SPSB3: variants seen among roughly 807,000 people sequenced by gnomAD.
SPSB3 encodes the protein splA/ryanodine receptor domain and SOCS box containing 3, also known as SPRY domain-containing SOCS box protein 3.
Under a neutral mutation model 29.5 loss-of-function variants are expected in SPSB3, and 18 were observed. The ratio of observed to expected loss-of-function variants is 0.61; its 90% CI spans 0.42 to 0.91. The LOEUF is 0.91. Ranked by LOEUF, SPSB3 falls within the 40% of genes least tolerant of loss-of-function variation. The probability of loss-of-function intolerance (pLI) is 0.00; values close to 1 mark genes in which losing one functional copy is unlikely to be tolerated. For missense variants in SPSB3, 540 were observed against 507.5 expected, an observed-to-expected ratio of 1.06 and a Z score of -0.61; for synonymous variants, 299 against 214.1, an observed-to-expected ratio of 1.40 and a Z score of -3.46.
At chr16:1,777,553 GAGGCA>G in intron 6 of SPSB3, 110 bp from the exon 7 acceptor site, 2 of 1,363,652 alleles carry the variant, frequency 1.5e-6, no homozygotes, top group Non-Finnish European at 1.9e-6. Context: ...TGGCACAGCT[GAGGCA>G]AGGCAGGGTG....
In SPSB3 at chr16:1,778,468, C is replaced by A. The variant is rs2042747568; in HGVS notation, c.271G>T (p.Gly91Cys). 6.2e-7 allele frequency: 1 copy of A among 1,611,366 alleles called. No homozygotes were observed. The highest frequency in any genetic ancestry group is 1.7e-5 in the Admixed American group (1 of 59,974). ...FCSSLHSAHR[G>C]RDCRCGEEDE... ...TCCTCTCCGCAGCGGCAGTCCCTGC[C>A]CCGGTGGGCCGAGTGCAGGCTGCTA... The change falls in exon 3 of 7, where the codon GGC becomes TGC. Residue 91 changes from glycine to cysteine, a missense_variant. Gly to Cys is a radical substitution (Grantham distance 159). Transcript: ENST00000566339.
intron 6 of SPSB3, 31 bp from the exon 7 acceptor site, chr16:1,777,474 G>C (rs543256977): frequency 1.4e-6 from 2 of 1,464,836 alleles, no homozygotes; most frequent in Non-Finnish European, 1.8e-6. Flanking sequence ...CTGAACCCCA[G>C]GCAGGGAAGG....
At position 1,778,062 on chromosome 16, in the gene SPSB3, C is replaced by G; in HGVS notation, c.493-14G>C. ...GATGCCCACCATCTAGGAACAGGGGCCAGGCAGAGGGCGCGGGGCTGGGCT... is the reference window on the plus strand; with the variant it reads ...GATGCCCACCATCTAGGAACAGGGGGCAGGCAGAGGGCGCGGGGCTGGGCT... On this transcript the variant is annotated splice_polypyrimidine_tract_variant and intron_variant, in intron 4 of 6. Coordinates refer to ENST00000566339, the MANE Select transcript of SPSB3 (RefSeq NM_080861.4). The G allele has an allele frequency of 3.7e-6, 6 of 1,613,122 alleles. No homozygotes were observed. The highest frequency in any genetic ancestry group is 5.1e-6 in the Non-Finnish European group (6 of 1,179,998).
rs141701472 is a variant in SPSB3, at chr16:1,778,146, G to A, written c.480C>T (p.Tyr160=). The A allele has an allele frequency of 8.2e-4, 1,325 of 1,612,612 alleles. 12 individuals are homozygous for A. The East Asian group carries it at 0.016, about 20-fold the overall frequency. ...CGAAGCAACTTACCATGTCGGTGCC[G>A]TAGACGGGAGAGGTCATCTTGATCT... The part of the protein sequence containing the change: ...FWEIKMTSPV[Y]GTDMMVGIGT... Residue 160 remains tyrosine, a synonymous_variant, in exon 4 of 7, where the codon TAC becomes TAT. Transcript: ENST00000566339.
chr16:1,778,231 C>T lies in SPSB3; in HGVS notation c.395G>A (p.Ser132Asn). The change falls in exon 4 of 7, where the codon AGC becomes AAC. Residue 132 changes from serine (S) to asparagine (N), a missense_variant. Transcript: ENST00000566339. ...GCCCCGGATGGCCGCTGTGCCGCAG[C>T]TGTACTCCATGTGGAAGCTGACCTT... ...NRKVSFHMEY[S>N]CGTAAIRGTK... 1 of 1,613,010 alleles carries T rather than the reference C, an allele frequency of 6.2e-7. No homozygotes were observed.
rs1032311154 is a variant in SPSB3, at chr16:1,781,584, T to C, written c.-12-89A>G. The C allele has an allele frequency of 2.8e-6, 4 of 1,446,408 alleles. No homozygotes were observed. The African/African-American group carries it at 5.7e-5, about 21-fold the overall frequency. 89.6% of individuals were successfully genotyped at this position (1,446,408 alleles called of 1,614,324 possible). A position where few individuals can be genotyped will look rare whatever the true frequency, so the allele number is the denominator to read the frequency against. ...GGCTGGGCCACGGACCCACTCAAAGTGGGGACTGCAGGGGCCGCACCGGTG... is the reference window on the plus strand; with the variant it reads ...GGCTGGGCCACGGACCCACTCAAAGCGGGGACTGCAGGGGCCGCACCGGTG... On this transcript the variant is annotated intron_variant, in intron 1 of 6. Transcript: ENST00000566339.
At position 1,778,438 on chromosome 16, in the gene SPSB3, C is replaced by G; in HGVS notation, c.301G>C (p.Glu101Gln). 2 of 1,609,074 alleles carry G rather than the reference C, an allele frequency of 1.2e-6. No homozygotes were observed. The highest frequency in any genetic ancestry group is 1.7e-4 in the Middle Eastern group (1 of 5,962). Residue 101 changes from glutamate to glutamine, a missense_variant, in exon 3 of 7, where the codon GAG becomes CAG. Physicochemically the swap from Glu to Gln is conservative, Grantham distance 29 (BLOSUM62 2). Coordinates refer to ENST00000566339, the MANE Select transcript of SPSB3 (RefSeq NM_080861.4). ...AGGGGCTGGGCCCCACGCTCACACT[C>G]GTCTTCCTCTCCGCAGCGGCAGTCC... is the stretch of plus-strand genomic sequence containing the variant. ...GRDCRCGEEDEYFDWVWDDLN... is the reference protein window; with the variant it reads ...GRDCRCGEEDQYFDWVWDDLN...
Position 1,781,152 on chromosome 16 carries a change from CT to C in SPSB3, c.126+205del, listed in dbSNP as rs1567231349. ...AGTGTGTTCTGAGGTCCTGTCACCCCTGAGGCTGTGTGTGTCCTTTGCCAAA... is the reference window on the plus strand; with the variant it reads ...AGTGTGTTCTGAGGTCCTGTCACCCCGAGGCTGTGTGTGTCCTTTGCCAAA... On this transcript the variant is annotated intron_variant, in intron 2 of 6. Transcript: ENST00000566339. 37 of 1,524,368 alleles carry C rather than the reference CT, an allele frequency of 2.4e-5. 1 individual carries two copies. Among genetic ancestry groups the C allele is most frequent in the Non-Finnish European group, 3.1e-5 (35 of 1,139,522 alleles). 94.4% of individuals were successfully genotyped at this position (1,524,368 alleles called of 1,614,324 possible).
At chr16:1,781,584 T>G (rs1032311154) in intron 1 of SPSB3, 89 bp from the exon 2 acceptor site, 2 of 1,446,526 alleles carry the variant, frequency 1.4e-6, no homozygotes, top group East Asian at 4.8e-5. Flanking sequence ...CCACTCAAAG[T>G]GGGGACTGCA....
At position 1,777,362 on chromosome 16, in the gene SPSB3, G is replaced by A. The variant is rs2042729767; in HGVS notation, c.803C>T (p.Thr268Ile). The change falls in exon 7 of 7, where the codon ACC becomes ATC. Residue 268 changes from threonine to isoleucine, a missense_variant. Thr to Ile is a moderately conservative substitution (Grantham distance 89). Coordinates refer to ENST00000566339, the MANE Select transcript of SPSB3 (RefSeq NM_080861.4). ...STAARSSMKVTRSCASATSLQ... is the reference protein window; with the variant it reads ...STAARSSMKVIRSCASATSLQ... The stretch of plus-strand genomic sequence containing the variant: ...GGAAGTGGCGCTGGCACAGGAGCGG[G>A]TGACCTTCATGCTGCTCCGGGCCGC... The A allele has an allele frequency of 4.4e-6, 7 of 1,605,906 alleles. No individual in the cohort carries two copies. Among genetic ancestry groups the A allele is most frequent in the Non-Finnish European group, 5.1e-6 (6 of 1,178,480 alleles).
intron 1 of SPSB3, 197 bp from the exon 2 acceptor site, chr16:1,781,692 G>A (rs1478298673): frequency 1.5e-5 from 9 of 590,820 alleles, no homozygotes; most frequent in South Asian, 1.5e-4. Context: ...GGTAGATCCT[G>A]TGAAACGCCA....
At chr16:1,782,375 CCT>C (rs1896754662) in intron 1 of SPSB3, 125 bp downstream of exon 1, 1 of 151,780 alleles carries the variant, frequency 6.6e-6, no homozygotes, top group East Asian at 1.9e-4. Context: ...ACCGGGGAAG[CCT>C]CTCTCGGGCG....
Position 1,777,260 on chromosome 16 carries a change from G to T in SPSB3, c.905C>A (p.Pro302Gln). Residue 302 changes from proline to glutamine, a missense_variant, in exon 7 of 7, where the codon CCG becomes CAG. Pro to Gln is a moderately conservative substitution (Grantham distance 76). Coordinates refer to ENST00000566339, the MANE Select transcript of SPSB3 (RefSeq NM_080861.4). ...SGDTLEGLPL[P>Q]PGLKQVLHNK... The stretch of plus-strand genomic sequence containing the variant: ...GTGTAGCACCTGCTTGAGGCCCGGC[G>T]GCAGCGGCAGACCCTCCAGCGTGTC... 1 of 1,610,602 alleles carries T rather than the reference G, an allele frequency of 6.2e-7. No individual in the cohort carries two copies.
intron 2 of SPSB3, chr16:1,780,952 C>G: frequency 2.8e-6 from 1 of 352,116 alleles, no homozygotes; most frequent in South Asian, 2.3e-5. Flanking sequence ...AGGCAGGTCT[C>G]AAACTCCTGG....
intron 2 of SPSB3, chr16:1,780,486 A>G (rs994385043): frequency 6.6e-6 from 1 of 152,444 alleles, no homozygotes; most frequent in East Asian, 1.9e-4. Flanking sequence ...AGCATGTCAG[A>G]TCACCTGGGC....
Position 1,777,380 on chromosome 16 carries a change from C to A in SPSB3, c.785G>T (p.Arg262Leu). The change falls in exon 7 of 7, where the codon CGG (arginine) becomes CTG (leucine). Residue 262 changes from arginine to leucine, a missense_variant. Transcript: ENST00000566339. Reference sequence around the variant, plus strand: ...GGAGCGGGTGACCTTCATGCTGCTCCGGGCCGCCGTGGAGCACACCATCGG... The same window carrying A: ...GGAGCGGGTGACCTTCATGCTGCTCAGGGCCGCCGTGGAGCACACCATCGG... ...FYPMVCSTAA[R>L]SSMKVTRSCA... 1 of 1,598,386 alleles carries A rather than the reference C, an allele frequency of 6.3e-7. No homozygotes were observed. Among genetic ancestry groups the A allele is most frequent in the South Asian group, 1.1e-5 (1 of 90,476 alleles).
chr16:1,777,619 G>A (rs1484519200), intron 6 of SPSB3, 128 bp downstream of exon 6: 2 of 1,484,448 alleles, frequency 1.3e-6, no homozygotes, highest in Non-Finnish European at 1.8e-6. Flanking sequence ...CACCCCCTGG[G>A]ACCCTGGGGC....
In SPSB3 at chr16:1,777,114, G is replaced by C; in HGVS notation, c.1051C>G (p.Arg351Gly). ...GAAGTCAGTCAGGTCCGGCGGCAGC[G>C]CTTCCTCTGGCAGGGCCGAGGCTCG... Reference protein sequence around the residue: ...SREPRPCQRKRCRRT With the variant: ...SREPRPCQRKGCRRT The change falls in exon 7 of 7, where the codon CGC becomes GGC. Residue 351 changes from arginine to glycine, a missense_variant. Coordinates refer to ENST00000566339, the MANE Select transcript of SPSB3 (RefSeq NM_080861.4). 6.2e-7 allele frequency: 1 copy of C among 1,611,226 alleles called. No homozygotes were observed. Among genetic ancestry groups the C allele is most frequent in the Non-Finnish European group, 8.5e-7 (1 of 1,179,170 alleles).
chr16:1,776,987 G>T lies in SPSB3; in HGVS notation c.*110C>A. ...GCAAGAGATGGCTCCCTCCGGACGG[G>T]CCTCATCCAACTCCGCCCTGGAGTG... On this transcript the variant is annotated 3_prime_UTR_variant, in exon 7 of 7. Transcript: ENST00000566339. 5 of 1,289,298 alleles carry T rather than the reference G, an allele frequency of 3.9e-6. No individual in the cohort carries two copies. The highest frequency in any genetic ancestry group is 4.3e-6 in the Non-Finnish European group (4 of 934,758). 79.9% of individuals were successfully genotyped at this position (1,289,298 alleles called of 1,614,324 possible).
Sources: gnomAD v4.1 joint callset for allele counts on GRCh38, gnomAD v4.1.1 for gene constraint, MANE v1.5 for transcripts, NCBI Gene and HGNC (gene_info 2026-07-23, HGNC 2026-07-21) for gene names.